Variants in BEND2 observed in about 807,000 individuals in gnomAD.
The protein encoded by BEND2 is BEN domain-containing protein 2.
A neutral mutation model predicts 43.8 loss-of-function variants in BEND2; 19 were observed. That is an observed-to-expected ratio of 0.43 (90% confidence interval 0.30 to 0.64). The LOEUF is 0.64. BEND2 is among the 30% of genes least tolerant of loss of function. BEND2 has a pLI of 0.11. For synonymous variants in BEND2, 226 were observed against 210.1 expected (o/e 1.08, Z -0.66); for missense variants, 544 against 574.0 (o/e 0.95, Z 0.53).
At chrX:18,219,879 C>T (rs1602058594) in intron 1 of BEND2, among the ~76,000 whole-genome samples, 1 of 111,369 alleles carries the variant, frequency 9.0e-6, no homozygotes, top group African/African-American at 3.3e-5. Context: ...GCACTCCCAC[C>T]TGGGCACCAG....
At position 18,220,778 on chromosome X, in the gene BEND2, G is replaced by T; in HGVS notation, c.-28C>A. On this transcript the variant is annotated 5_prime_UTR_variant, in exon 1 of 14. Coordinates refer to ENST00000380033, the MANE Select transcript of BEND2 (RefSeq NM_153346.5). Reference sequence around the variant, plus strand: ...TGAGATGGCGGGGTCTGGCTCTGAGGCCCGAGACCTGAGGCCCGAGACCTG... The same window carrying T: ...TGAGATGGCGGGGTCTGGCTCTGAGTCCCGAGACCTGAGGCCCGAGACCTG... The T allele has an allele frequency of 5.0e-6, 6 of 1,199,814 alleles. No homozygotes were observed. The highest frequency in any genetic ancestry group is 2.3e-6 in the Non-Finnish European group (2 of 888,068).
intron 7 of BEND2, among the ~76,000 whole-genome samples, chrX:18,192,348 C>A (rs1054094270): frequency 5.2e-4 from 58 of 111,257 alleles, no homozygotes; most frequent in Middle Eastern, 4.7e-3. Flanking sequence ...CACTAACTGG[C>A]AAACACTTAA....
intron 1 of BEND2, 109 bp from the exon 2 acceptor site, chrX:18,216,842 T>G: frequency 1.7e-6 from 1 of 596,048 alleles, no homozygotes. Context: ...ATATTTTAGC[T>G]GAAAATTTGT....
chrX:18,202,044 C>A (rs1000181111), intron 5 of BEND2, 104 bp from the exon 6 acceptor site: 5 of 838,537 alleles, frequency 6.0e-6, no homozygotes, highest in Non-Finnish European at 8.2e-6. Flanking sequence ...CAGACATTCA[C>A]ACACAAAGGA....
intron 11 of BEND2, among the ~76,000 whole-genome samples, chrX:18,175,111 T>C (rs1924103266): frequency 8.9e-6 from 1 of 111,855 alleles, no homozygotes; most frequent in Admixed American, 9.5e-5. Flanking sequence ...ACATTCAAAT[T>C]GTTTAGGGTG....
intron 10 of BEND2, among the ~76,000 whole-genome samples, chrX:18,176,674 G>T (rs1924171025): frequency 1.8e-5 from 2 of 110,069 alleles, no homozygotes; most frequent in Admixed American, 2.0e-4. Context: ...GCAAGACCAT[G>T]CGTCTGAAAA....
chrX:18,194,301 T>C (rs1248722528), intron 7 of BEND2, among the ~76,000 whole-genome samples: 3 of 111,427 alleles, frequency 2.7e-5, no homozygotes, highest in East Asian at 2.8e-4. Flanking sequence ...TGAAAACTTA[T>C]ATTTTCCCAA....
chrX:18,164,646 G>A lies in BEND2; in HGVS notation c.*363C>T, dbSNP rs970008036. 1.2e-4 allele frequency: 16 copies of A among 131,797 alleles called. No homozygotes were observed. Among genetic ancestry groups the A allele is most frequent in the Non-Finnish European group, 2.4e-4 (16 of 67,201 alleles). The allele number at this position is 131,797 out of a possible 1,213,427, so 10.9% of individuals were successfully genotyped here. The stretch of plus-strand genomic sequence containing the variant: ...TAAAAAGACTTGTCAAGTTTTATAC[G>A]AATTATATTATTTGACTGAGTGGCT... On this transcript the variant is annotated 3_prime_UTR_variant, in exon 14 of 14. Transcript: ENST00000380033.
intron 6 of BEND2, among the ~76,000 whole-genome samples, chrX:18,196,998 C>A (rs1924975190): frequency 8.9e-6 from 1 of 112,187 alleles, no homozygotes; most frequent in Non-Finnish European, 1.9e-5. Context: ...TCAGTTATAT[C>A]TGTGTATTGT....
At chrX:18,180,444 C>A in intron 9 of BEND2, 66 bp downstream of exon 9, 1 of 1,179,673 alleles carries the variant, frequency 8.5e-7, no homozygotes, top group Non-Finnish European at 1.1e-6. Context: ...CACTGTCTTG[C>A]ATCAAGGAAG....
At chrX:18,184,163 A>T (rs944142013) in intron 8 of BEND2, among the ~76,000 whole-genome samples, 2 of 111,173 alleles carry the variant, frequency 1.8e-5, no homozygotes, top group African/African-American at 6.6e-5. Context: ...CTCACCATAG[A>T]CAGAGACTCC....
At chrX:18,192,897 T>C (rs192916110) in intron 7 of BEND2, among the ~76,000 whole-genome samples, 26 of 112,102 alleles carry the variant, frequency 2.3e-4, no homozygotes, top group African/African-American at 8.4e-4. Flanking sequence ...CCCAGCACTT[T>C]AGGAGGCCAA....
chrX:18,185,540 AATAAT>A (rs1924539362), intron 8 of BEND2, among the ~76,000 whole-genome samples: 1 of 20,242 alleles, frequency 4.9e-5, no homozygotes, highest in Non-Finnish European at 1.5e-4. Context: ...CAAAAATAAT[AATAAT>A]AATAATAATA....
chrX:18,194,310 A>G (rs1436025147), intron 7 of BEND2, among the ~76,000 whole-genome samples: 1 of 111,512 alleles, frequency 9.0e-6, no homozygotes, highest in East Asian at 2.8e-4. Context: ...ATATTTTCCC[A>G]AAAACCAGTA....
At chrX:18,195,545 A>T in intron 6 of BEND2, 103 bp from the exon 7 acceptor site, 1 of 836,079 alleles carries the variant, frequency 1.2e-6, no homozygotes, top group Non-Finnish European at 1.7e-6. Flanking sequence ...AGAAAACTAA[A>T]AAAATCTGTC....
chrX:18,201,694 T>C, intron 6 of BEND2, 121 bp downstream of exon 6: 3 of 839,063 alleles, frequency 3.6e-6, no homozygotes, highest in Admixed American at 3.9e-5. Context: ...GTTTTCACCA[T>C]GTTGGTCAGG....
At chrX:18,194,972 A>AACAC (rs201244726) in intron 7 of BEND2, among the ~76,000 whole-genome samples, 1,425 of 99,316 alleles carry the variant, frequency 0.014, 31 homozygotes, top group African/African-American at 0.046. Context: ...CATAGTACTA[A>AACAC]ACACACACAC....
chrX:18,197,716 C>T (rs1195270945), intron 6 of BEND2, among the ~76,000 whole-genome samples: 1 of 111,288 alleles, frequency 9.0e-6, no homozygotes, highest in Non-Finnish European at 1.9e-5. Flanking sequence ...AACTCTCAAC[C>T]GTGAATTTAT....
At chrX:18,218,236 A>T (rs1452623515) in intron 1 of BEND2, among the ~76,000 whole-genome samples, 1 of 112,110 alleles carries the variant, frequency 8.9e-6, no homozygotes, top group Non-Finnish European at 1.9e-5. Flanking sequence ...AGAAAAATAC[A>T]GTATAATCCT....
Sources: allele counts gnomAD v4.1 joint callset (sites outside exome capture counted in the v4.1 genomes callset), GRCh38; gene constraint gnomAD v4.1.1; transcripts MANE v1.5; gene names NCBI Gene and HGNC (gene_info 2026-07-23, HGNC 2026-07-21).